The following FMN1 variants were observed in gnomAD, a reference collection of about 807,000 sequenced individuals.
FMN1 encodes formin-1.
A neutral mutation model predicts 132.4 loss-of-function variants in FMN1; 110 were observed. The ratio of observed to expected loss-of-function variants is 0.83; its 90% CI spans 0.71 to 0.97. The LOEUF is 0.97. Among genes scored for constraint, FMN1 ranks in the 50% least tolerant of loss-of-function variants. The pLI is 0.00. For missense variants in FMN1, 1,792 were observed against 1,705.3 expected, an observed-to-expected ratio of 1.05 and a Z score of -0.90; for synonymous variants, 722 against 651.7, an observed-to-expected ratio of 1.11 and a Z score of -1.64.
At chr15:32,937,700 G>C (rs1037714879) in intron 9 of FMN1, among the ~76,000 whole-genome samples, 2 of 152,240 alleles carry the variant, frequency 1.3e-5, no homozygotes, top group Non-Finnish European at 2.9e-5. Context: ...GTGAGAGTAA[G>C]AGCAGACTGA....
chr15:33,021,369 A>G (rs868421935), intron 6 of FMN1, among the ~76,000 whole-genome samples: 4 of 152,262 alleles, frequency 2.6e-5, no homozygotes, highest in South Asian at 4.1e-4. Flanking sequence ...CAAGTTAACA[A>G]TTTAGAGACT....
At position 33,133,573 on chromosome 15, in the gene FMN1, TAG is replaced by T. The variant is rs1352760826; in HGVS notation, c.1867+19473_1867+19474del. 4.6e-5 allele frequency among the ~76,000 whole-genome samples: 7 copies of T among 152,248 alleles called. No individual in the cohort carries two copies. In the East Asian group the frequency reaches 1.4e-3, roughly 29 times the overall value. On this transcript the variant is annotated intron_variant, in intron 4 of 20. Coordinates refer to ENST00000616417, the MANE Select transcript of FMN1 (RefSeq NM_001277313.2). Reference sequence around the variant, plus strand: ...ACTCTCTGGAACTCTGGCTTAGAAATAGAGATGAGGCTAGATGACCTTCTCAA... The same window carrying T: ...ACTCTCTGGAACTCTGGCTTAGAAATAGATGAGGCTAGATGACCTTCTCAA...
chr15:33,171,030 G>A (rs1017934575), intron 3 of FMN1, among the ~76,000 whole-genome samples: 2 of 152,146 alleles, frequency 1.3e-5, no homozygotes, highest in Admixed American at 1.3e-4. Context: ...TATACACAAT[G>A]AAATACTATC....
intron 5 of FMN1, among the ~76,000 whole-genome samples, chr15:33,082,254 G>C (rs760323520): frequency 6.6e-6 from 1 of 151,978 alleles, no homozygotes; most frequent in Non-Finnish European, 1.5e-5. Context: ...TGTGTTTTCA[G>C]TAGAGACGGG....
intron 6 of FMN1, among the ~76,000 whole-genome samples, chr15:33,029,706 C>G (rs1295797459): frequency 2.6e-5 from 4 of 151,368 alleles, no homozygotes; most frequent in Admixed American, 1.3e-4. Flanking sequence ...ATCTCAGTGT[C>G]TCAGAGAAGG....
chr15:32,940,183 G>C (rs2061368777), intron 9 of FMN1, among the ~76,000 whole-genome samples: 1 of 152,066 alleles, frequency 6.6e-6, no homozygotes, highest in African/African-American at 2.4e-5. Context: ...GAGCTTTCAT[G>C]AATGACCTCT....
intron 6 of FMN1, among the ~76,000 whole-genome samples, chr15:33,017,693 A>G (rs564566872): frequency 6.6e-6 from 1 of 152,354 alleles, no homozygotes; most frequent in African/African-American, 2.4e-5. Flanking sequence ...GTCAGTATCA[A>G]AAGATGGGGG....
intron 4 of FMN1, among the ~76,000 whole-genome samples, chr15:33,134,415 G>A (rs557292605): frequency 2.0e-4 from 30 of 152,278 alleles, no homozygotes; most frequent in African/African-American, 7.0e-4. Context: ...ATTACCCAGT[G>A]AACAACCATC....
intron 4 of FMN1, among the ~76,000 whole-genome samples, chr15:33,113,370 A>T (rs760146018): frequency 2.0e-5 from 3 of 151,538 alleles, no homozygotes; most frequent in Non-Finnish European, 2.9e-5. Context: ...ATATAAGCTT[A>T]TTTTTTTCAA....
intron 4 of FMN1, among the ~76,000 whole-genome samples, chr15:33,113,407 C>A (rs574258289): frequency 6.9e-6 from 1 of 145,264 alleles, no homozygotes; most frequent in Admixed American, 6.8e-5. Context: ...TTCATTCCAG[C>A]CTTTCTTTCT....
chr15:32,934,904 G>A (rs1373676427), intron 9 of FMN1, among the ~76,000 whole-genome samples: 4 of 150,728 alleles, frequency 2.7e-5, no homozygotes, highest in African/African-American at 7.3e-5. Flanking sequence ...ACTGTATCTG[G>A]CCAAAAGACA....
chr15:32,840,433 A>G (rs549781343), intron 17 of FMN1, among the ~76,000 whole-genome samples: 3 of 152,350 alleles, frequency 2.0e-5, no homozygotes, highest in African/African-American at 7.2e-5. Flanking sequence ...ATCACCCGGT[A>G]TCAGCACATT....
At chr15:32,851,281 C>T (rs766093575) in intron 17 of FMN1, among the ~76,000 whole-genome samples, 5 of 152,142 alleles carry the variant, frequency 3.3e-5, no homozygotes, top group Admixed American at 6.5e-5. Flanking sequence ...TTCCAGCCCT[C>T]CCTGCCAAAG....
rs771538811 is a variant in FMN1, at chr15:33,153,376, T to C, written c.1539A>G (p.Thr513=). The C allele has an allele frequency of 7.2e-5, 110 of 1,536,406 alleles. 1 individual carries two copies. The South Asian group carries it at 1.2e-3, about 17-fold the overall frequency. Reference sequence around the variant, plus strand: ...AGGGAACAGGTGACGTCTGTTTGTGTGTGCTGGACTGCGAGGCTGAATTAT... The same window carrying C: ...AGGGAACAGGTGACGTCTGTTTGTGCGTGCTGGACTGCGAGGCTGAATTAT... ...VFNNSASQSS[T]HKQTSPVPSP... Residue 513 remains threonine (T), a synonymous_variant, in exon 4 of 21, where the codon ACA becomes ACG. Transcript: ENST00000616417.
chr15:32,902,261 G>T (rs2060316468), intron 12 of FMN1, among the ~76,000 whole-genome samples: 1 of 152,108 alleles, frequency 6.6e-6, no homozygotes, highest in Admixed American at 6.5e-5. Flanking sequence ...ATAAATGCAT[G>T]GTATAGAAAT....
At chr15:32,990,407 A>G (rs2033361915) in intron 7 of FMN1, among the ~76,000 whole-genome samples, 2 of 152,166 alleles carry the variant, frequency 1.3e-5, no homozygotes, top group South Asian at 4.1e-4. Flanking sequence ...AGAGCAAAGA[A>G]AGAAAGACAG....
intron 16 of FMN1, among the ~76,000 whole-genome samples, chr15:32,880,624 G>A (rs1182649930): frequency 6.6e-6 from 1 of 152,152 alleles, no homozygotes; most frequent in Non-Finnish European, 1.5e-5. Flanking sequence ...AACTGTATGG[G>A]AGATAAGTAT....
rs1212344391 is a variant in FMN1 at position 32,969,266 on chromosome 15, A to C, written c.2435T>G (p.Phe812Cys). 2 of 1,613,842 alleles carry C rather than the reference A, an allele frequency of 1.2e-6. No homozygotes were observed. The highest frequency in any genetic ancestry group is 8.5e-7 in the Non-Finnish European group (1 of 1,179,858). The change falls in exon 8 of 21, where the codon TTC becomes TGC. Residue 812 changes from phenylalanine to cysteine, a missense_variant. Phe to Cys is a radical substitution (Grantham distance 205). Coordinates refer to ENST00000616417, the MANE Select transcript of FMN1 (RefSeq NM_001277313.2). The part of the protein sequence containing the change: ...NVCVQTDRET[F>C]LKPCESESKT... ...GCTTTCACTTTCACAGGGCTTGAGG[A>C]AGGTCTCTCTGTCTGTCTGGACGCA...
Position 33,153,063 on chromosome 15 carries a change from G to C in FMN1, c.1852C>G (p.His618Asp). 1 of 1,528,078 alleles carries C rather than the reference G, an allele frequency of 6.5e-7. No homozygotes were observed. Among genetic ancestry groups the C allele is most frequent in the Non-Finnish European group, 8.7e-7 (1 of 1,143,498 alleles). 94.7% of individuals were successfully genotyped at this position (1,528,078 alleles called of 1,614,324 possible). Residue 618 changes from histidine to aspartate, a missense_variant, in exon 4 of 21, where the codon CAC becomes GAC. Physicochemically the swap from His to Asp is moderately conservative, Grantham distance 81. Around this residue, in one of 3 missense-constraint regions of FMN1, gnomAD observed 1,150 missense variants for 1,043.1 expected, o/e 1.10. Transcript: ENST00000616417. ...AGAGACTAACCTGGAGGTGACTGGT[G>C]CTGGGGCTCAGCTGTGGTCTTCCCT... ...GPGKTTAEPQ[H>D]QSPPGISSEG... is the part of the protein sequence containing the mutation.
Sources: allele counts gnomAD v4.1 joint callset (sites outside exome capture counted in the v4.1 genomes callset), GRCh38; gene constraint gnomAD v4.1.1; regional missense constraint gnomAD v4.1.1; transcripts MANE v1.5; gene names NCBI Gene and HGNC (gene_info 2026-07-23, HGNC 2026-07-21).